MBOAT2: variants seen among roughly 807,000 people sequenced by gnomAD.
MBOAT2 encodes the protein membrane-bound glycerophospholipid O-acyltransferase 2.
Under a neutral mutation model 63.4 loss-of-function variants are expected in MBOAT2, and 28 were observed. That is an observed-to-expected ratio of 0.44 (90% CI 0.33 to 0.61). The LOEUF (loss-of-function observed/expected upper bound fraction) is 0.61. MBOAT2 is among the 20% of genes least tolerant of loss of function. The probability of loss-of-function intolerance (pLI) is 0.03; values close to 1 mark genes in which losing one functional copy is unlikely to be tolerated. For synonymous variants in MBOAT2, 211 were observed against 215.6 expected, an observed-to-expected ratio of 0.98 and a Z score of 0.19; for missense variants, 470 against 605.8, an observed-to-expected ratio of 0.78 and a Z score of 2.35.
rs1006439274 is a variant in MBOAT2 at position 8,856,121 on chromosome 2, G to A, written c.*2558C>T. 4 of 152,066 alleles carry A rather than the reference G, an allele frequency of 2.6e-5. No homozygotes were observed. The highest frequency in any genetic ancestry group is 9.7e-5 in the African/African-American group (4 of 41,394). The allele number at this position is 152,066 out of a possible 1,614,324, so 9.4% of individuals were successfully genotyped here. A position where few individuals can be genotyped will look rare whatever the true frequency, so the allele number is the denominator to read the frequency against. ...AGGGGTATGAAAATCAGTCAAACTG[G>A]ATATGGAATTATTATCTTCGAAGGA... On this transcript the variant is annotated 3_prime_UTR_variant, in exon 13 of 13. Coordinates refer to ENST00000305997, the MANE Select transcript of MBOAT2 (RefSeq NM_138799.4). The surrounding 1 kb of genome is among the most constrained non-coding windows in gnomAD (Gnocchi z 4.2).
intron 9 of MBOAT2, among the ~76,000 whole-genome samples, chr2:8,865,986 G>A (rs537908284): frequency 2.1e-4 from 32 of 152,208 alleles, no homozygotes; most frequent in African/African-American, 5.5e-4. Flanking sequence ...GCAGTGAACC[G>A]AAATCGCGCC....
At chr2:8,999,669 A>G (rs1672552317) in intron 1 of MBOAT2, among the ~76,000 whole-genome samples, 1 of 152,184 alleles carries the variant, frequency 6.6e-6, no homozygotes, top group Non-Finnish European at 1.5e-5. Flanking sequence ...GCTCTTTCTC[A>G]GTCCATTTCC....
chr2:8,924,329 G>A (rs1253619132), intron 3 of MBOAT2, among the ~76,000 whole-genome samples: 1 of 152,084 alleles, frequency 6.6e-6, no homozygotes, highest in Non-Finnish European at 1.5e-5. Context: ...AGATTCTGGT[G>A]TCTGGTAACC....
At chr2:8,960,146 AT>A (rs1009661549) in intron 1 of MBOAT2, among the ~76,000 whole-genome samples, 17 of 152,182 alleles carry the variant, frequency 1.1e-4, no homozygotes, top group East Asian at 7.7e-4. Context: ...TTCTAATGGC[AT>A]TTTTTTTAAT....
chr2:8,907,624 T>C (rs1665427257), intron 4 of MBOAT2, among the ~76,000 whole-genome samples: 1 of 152,222 alleles, frequency 6.6e-6, no homozygotes, highest in Non-Finnish European at 1.5e-5. Flanking sequence ...TCCAGGTGTA[T>C]CTCCCAATTC....
intron 2 of MBOAT2, among the ~76,000 whole-genome samples, chr2:8,948,289 T>C (rs1668564067): frequency 6.6e-6 from 1 of 152,250 alleles, no homozygotes; most frequent in Admixed American, 6.5e-5. Context: ...AGATGGAGTC[T>C]ACTCCTGGTA....
chr2:8,908,267 T>C (rs938774196), intron 4 of MBOAT2: 1 of 167,038 alleles, frequency 6.0e-6, no homozygotes, highest in Non-Finnish European at 1.3e-5. Flanking sequence ...TTATTTCCAC[T>C]ACTCAACTGA....
chr2:8,892,868 G>A (rs1175823720), intron 4 of MBOAT2, among the ~76,000 whole-genome samples: 1 of 152,128 alleles, frequency 6.6e-6, no homozygotes, highest in African/African-American at 2.4e-5. Flanking sequence ...GATGAGCAAG[G>A]AGGACAGGAA....
At position 8,856,895 on chromosome 2, in the gene MBOAT2, T is replaced by C. The variant is rs927524209; in HGVS notation, c.*1784A>G. 6.6e-5 allele frequency: 10 copies of C among 152,196 alleles called. No homozygotes were observed. The highest frequency in any genetic ancestry group is 2.4e-4 in the African/African-American group (10 of 41,436). 9.4% of individuals were successfully genotyped at this position (152,196 alleles called of 1,614,324 possible). A position where few individuals can be genotyped will look rare whatever the true frequency, so the allele number is the denominator to read the frequency against. ...CATGGGAAAACAGAGGAAATTTATT[T>C]AGTTATCAATCCTTTCCTGGGTAGG... On this transcript the variant is annotated 3_prime_UTR_variant, in exon 13 of 13. Coordinates refer to ENST00000305997, the MANE Select transcript of MBOAT2 (RefSeq NM_138799.4). The surrounding 1 kb of genome is among the most constrained non-coding windows in gnomAD (Gnocchi z 4.2).
In MBOAT2 at chr2:8,916,330, T is replaced by C. The variant is rs543353990; in HGVS notation, c.300-7614A>G. On this transcript the variant is annotated intron_variant, in intron 3 of 12. Coordinates refer to ENST00000305997, the MANE Select transcript of MBOAT2 (RefSeq NM_138799.4). ...CTTCACAGCCAAAAGAATTCAGATA[T>C]GATTATTACTAATATCAAAATAAAA... is the stretch of plus-strand genomic sequence containing the variant. 2.4e-3 allele frequency among the ~76,000 whole-genome samples: 360 copies of C among 152,336 alleles called. 2 individuals are homozygous for C. The highest frequency in any genetic ancestry group is 4.1e-3 in the Non-Finnish European group (278 of 68,030).
In MBOAT2 at chr2:8,862,768, C is replaced by A; in HGVS notation, c.1053-46G>T. On this transcript the variant is annotated intron_variant, in intron 10 of 12. Transcript: ENST00000305997. The surrounding 1 kb of genome is among the most constrained non-coding windows in gnomAD (Gnocchi z 4.3). ...GGAGAGCCAAGTGGAGTGAGTGACC[C>A]GAGTTTACAAAGCCTGCAATGATCA... The A allele has an allele frequency of 6.3e-7, 1 of 1,580,030 alleles. No homozygotes were observed. The highest frequency in any genetic ancestry group is 8.6e-7 in the Non-Finnish European group (1 of 1,166,698).
intron 2 of MBOAT2, among the ~76,000 whole-genome samples, chr2:8,951,235 C>T (rs1668809970): frequency 2.0e-5 from 3 of 149,078 alleles, no homozygotes; most frequent in Admixed American, 2.0e-4. Flanking sequence ...GACAGAGTCT[C>T]ACTCTGTCAG....
chr2:8,943,581 A>C (rs1668202175), intron 2 of MBOAT2, among the ~76,000 whole-genome samples: 1 of 152,190 alleles, frequency 6.6e-6, no homozygotes, highest in African/African-American at 2.4e-5. Context: ...TCAAGGCACA[A>C]TTATTTTAAA....
At chr2:8,995,578 A>G (rs1374346262) in intron 1 of MBOAT2, among the ~76,000 whole-genome samples, 1 of 151,808 alleles carries the variant, frequency 6.6e-6, no homozygotes, top group East Asian at 1.9e-4. Context: ...ACATTTTTTA[A>G]AAATACATTC....
chr2:8,863,880 C>G (rs1338430604), intron 10 of MBOAT2, among the ~76,000 whole-genome samples: 1 of 152,228 alleles, frequency 6.6e-6, no homozygotes, highest in Non-Finnish European at 1.5e-5. Flanking sequence ...CAATCAGGAG[C>G]TGCAAAGGAG....
In MBOAT2 at chr2:8,951,598, C is replaced by T. The variant is rs1186238299; in HGVS notation, c.221+6899G>A. Among the ~76,000 whole-genome samples, 4 of 152,086 alleles carry T rather than the reference C, an allele frequency of 2.6e-5. No homozygotes were observed. The East Asian group carries it at 7.7e-4, about 29-fold the overall frequency. On this transcript the variant is annotated intron_variant, in intron 2 of 12. Coordinates refer to ENST00000305997, the MANE Select transcript of MBOAT2 (RefSeq NM_138799.4). Reference sequence around the variant, plus strand: ...GTTGGTAGGTTTTTCATTACAGGTTCGATTTTAGAACTCAATATTGGTCTG... The same window carrying T: ...GTTGGTAGGTTTTTCATTACAGGTTTGATTTTAGAACTCAATATTGGTCTG...
intron 6 of MBOAT2, among the ~76,000 whole-genome samples, chr2:8,881,163 T>C (rs549706630): frequency 2.0e-4 from 31 of 152,334 alleles, no homozygotes; most frequent in African/African-American, 7.0e-4. Context: ...GGCCTTCGAT[T>C]AGATGATGGA....
At chr2:8,893,239 C>T (rs1475019277) in intron 4 of MBOAT2, among the ~76,000 whole-genome samples, 2 of 151,992 alleles carry the variant, frequency 1.3e-5, no homozygotes, top group East Asian at 1.9e-4. Flanking sequence ...GGGTTTCATA[C>T]CTGGAACCAC....
chr2:8,889,273 G>C (rs1004550671), intron 4 of MBOAT2, among the ~76,000 whole-genome samples: 2 of 152,234 alleles, frequency 1.3e-5, no homozygotes, highest in African/African-American at 4.8e-5. Context: ...TTCTCACAAG[G>C]TCAGCAAACG....
Sources: allele counts gnomAD v4.1 joint callset (sites outside exome capture counted in the v4.1 genomes callset), GRCh38; gene constraint gnomAD v4.1.1; non-coding constraint Gnocchi (gnomAD v3.1); transcripts MANE v1.5; gene names NCBI Gene and HGNC (gene_info 2026-07-23, HGNC 2026-07-21).